MOCOS: variants seen among roughly 807,000 people sequenced by gnomAD.
The protein encoded by MOCOS is human molybdenum cofactor sulfurase.
In MOCOS, 86 loss-of-function variants were observed where a neutral mutation model predicts 83.6. That is an observed-to-expected ratio of 1.03 (90% CI 0.86 to 1.23). MOCOS has a LOEUF of 1.23. MOCOS is among the 50% of genes most tolerant of loss of function. The probability of loss-of-function intolerance (pLI) is 0.00; values close to 1 mark genes in which losing one functional copy is unlikely to be tolerated. For missense variants in MOCOS, 1,120 were observed against 1,126.9 expected, an observed-to-expected ratio of 0.99 and a Z score of 0.09; for synonymous variants, 445 against 434.7, an observed-to-expected ratio of 1.02 and a Z score of -0.29.
chr18:36,196,510 G>T (rs2091388213), intron 2 of MOCOS, among the ~76,000 whole-genome samples: 1 of 152,106 alleles, frequency 6.6e-6, no homozygotes. Context: ...CCACCAGAGT[G>T]CCTCGATTCA....
chr18:36,247,356 C>T (rs1003426772), intron 9 of MOCOS, among the ~76,000 whole-genome samples: 1 of 152,188 alleles, frequency 6.6e-6, no homozygotes, highest in Non-Finnish European at 1.5e-5. Context: ...GCAGCTTCTA[C>T]GCTTGTATCT....
chr18:36,201,712 T>C (rs2091415738), intron 4 of MOCOS, among the ~76,000 whole-genome samples: 1 of 142,446 alleles, frequency 7.0e-6, no homozygotes, highest in East Asian at 2.1e-4. Context: ...AGAGCTAACA[T>C]GGGTGAAGTA....
chr18:36,231,914 C>G (rs561834837), intron 9 of MOCOS, among the ~76,000 whole-genome samples: 13 of 152,252 alleles, frequency 8.5e-5, no homozygotes, highest in African/African-American at 2.9e-4. Flanking sequence ...TTTCTAAGAC[C>G]CAGGCACTTC....
chr18:36,206,965 G>A (rs1357338082), intron 6 of MOCOS, among the ~76,000 whole-genome samples: 1 of 152,172 alleles, frequency 6.6e-6, no homozygotes, highest in African/African-American at 2.4e-5. Flanking sequence ...TGCCTTTATG[G>A]TAGGATGATT....
chr18:36,189,992 G>A (rs1651739397), intron 1 of MOCOS: 1 of 152,174 alleles, frequency 6.6e-6, no homozygotes, highest in African/African-American at 2.4e-5. Flanking sequence ...CCCCTATGCT[G>A]CCTGACTTTC....
At position 36,257,289 on chromosome 18, in the gene MOCOS, C is replaced by CTT. The variant is rs542459150; in HGVS notation, c.2270+220_2270+221dup. Among the ~76,000 whole-genome samples, 801 of 152,204 alleles carry CTT rather than the reference C, an allele frequency of 5.3e-3. 6 individuals are homozygous for CTT. The highest frequency in any genetic ancestry group is 0.013 in the African/African-American group (555 of 41,524). On this transcript the variant is annotated intron_variant, in intron 12 of 14. Transcript: ENST00000261326. ...GGTTATCTTTTATCTTACAAAGATC[C>CTT]TTTTTGATATCCTCAAGATGGTTAA...
intron 10 of MOCOS, 82 bp from the exon 11 acceptor site, chr18:36,251,077 G>A: frequency 1.3e-6 from 2 of 1,490,742 alleles, no homozygotes; most frequent in Non-Finnish European, 1.8e-6. Flanking sequence ...ATTTTATTTT[G>A]TAACCAAACT....
intron 9 of MOCOS, among the ~76,000 whole-genome samples, chr18:36,237,494 G>T (rs554582402): frequency 4.6e-4 from 70 of 152,302 alleles, no homozygotes; most frequent in Non-Finnish European, 8.7e-4. Context: ...AGTTGATCAT[G>T]GTGGATAAGC....
intron 9 of MOCOS, among the ~76,000 whole-genome samples, chr18:36,241,627 G>A (rs1455184131): frequency 6.6e-6 from 1 of 152,222 alleles, no homozygotes; most frequent in Non-Finnish European, 1.5e-5. Context: ...CAGTGCCCCT[G>A]TGGGGACTCT....
chr18:36,194,765 A>G (rs546850192), intron 1 of MOCOS, among the ~76,000 whole-genome samples: 1 of 152,314 alleles, frequency 6.6e-6, no homozygotes, highest in Middle Eastern at 3.4e-3. Context: ...TCTCATTTTC[A>G]TCTAAATTTG....
At chr18:36,229,605 C>T (rs978295585) in intron 9 of MOCOS, among the ~76,000 whole-genome samples, 2 of 152,058 alleles carry the variant, frequency 1.3e-5, no homozygotes, top group Non-Finnish European at 1.5e-5. Context: ...TTTTCTCACT[C>T]TTTTCAAAGT....
intron 8 of MOCOS, among the ~76,000 whole-genome samples, chr18:36,218,143 C>T (rs1393345923): frequency 6.6e-6 from 1 of 152,178 alleles, no homozygotes; most frequent in Non-Finnish European, 1.5e-5. Flanking sequence ...GGCTACACCT[C>T]TTATACAGGT....
At chr18:36,201,657 C>A in intron 4 of MOCOS, among the ~76,000 whole-genome samples, 1 of 3,122 alleles carries the variant, frequency 3.2e-4, no homozygotes. Context: ...AGCAAGACTC[C>A]ATCTCCAAAA....
At chr18:36,251,019 C>G (rs2091619726) in intron 10 of MOCOS, 140 bp from the exon 11 acceptor site, 4 of 1,030,116 alleles carry the variant, frequency 3.9e-6, no homozygotes, top group Non-Finnish European at 5.7e-6. Context: ...CTCCTTGCAG[C>G]ATCTGTCACT....
At chr18:36,256,777 T>C in intron 11 of MOCOS, 191 bp from the exon 12 acceptor site, 1 of 591,448 alleles carries the variant, frequency 1.7e-6, no homozygotes, top group East Asian at 3.2e-5. Context: ...CAGAGTATTC[T>C]AGAATCTCCT....
intron 9 of MOCOS, among the ~76,000 whole-genome samples, chr18:36,243,592 CT>C (rs2091592068): frequency 6.6e-6 from 1 of 151,640 alleles, no homozygotes; most frequent in Non-Finnish European, 1.5e-5. Context: ...TTGTTATGTC[CT>C]TTCCTGGTTT....
intron 5 of MOCOS, among the ~76,000 whole-genome samples, chr18:36,204,142 T>C (rs1393378832): frequency 1.3e-5 from 2 of 152,332 alleles, no homozygotes; most frequent in East Asian, 3.9e-4. Context: ...AGTAAATACA[T>C]TCACAATGTC....
intron 14 of MOCOS, among the ~76,000 whole-genome samples, 168 bp from the exon 15 acceptor site, chr18:36,268,365 T>G (rs1168232202): frequency 6.6e-6 from 1 of 152,240 alleles, no homozygotes; most frequent in Non-Finnish European, 1.5e-5. Flanking sequence ...GTTAGGATTC[T>G]CTTAATGTTC....
At chr18:36,248,274 G>A (rs557717918) in intron 9 of MOCOS, among the ~76,000 whole-genome samples, 24 of 152,072 alleles carry the variant, frequency 1.6e-4, no homozygotes, top group African/African-American at 5.8e-4. Flanking sequence ...CAGATTATTT[G>A]CTCATTTAAA....
Sources: gnomAD v4.1 joint callset for allele counts (sites outside exome capture counted in the v4.1 genomes callset) on GRCh38, gnomAD v4.1.1 for gene constraint, MANE v1.5 for transcripts, NCBI Gene and HGNC (gene_info 2026-07-23, HGNC 2026-07-21) for gene names.